The following C18orf63 variants were observed in gnomAD, a reference collection of about 807,000 sequenced individuals.
C18orf63 encodes the protein chromosome 18 open reading frame 63.
A neutral mutation model predicts 75.3 loss-of-function variants in C18orf63; 50 were observed. The observed-to-expected ratio is 0.66, with a 90% CI of 0.53 to 0.84. The LOEUF (loss-of-function observed/expected upper bound fraction) is 0.84, where lower values mean the gene tolerates loss of function less well. Among genes scored for constraint, C18orf63 ranks in the 40% least tolerant of loss-of-function variants. The pLI is 0.00. For missense variants in C18orf63, 732 were observed against 800.2 expected, an observed-to-expected ratio of 0.91 and a Z score of 1.03; for synonymous variants, 232 against 267.6, an observed-to-expected ratio of 0.87 and a Z score of 1.30.
Position 74,353,422 on chromosome 18 carries a change from G to C in C18orf63, c.1155G>C (p.Leu385Phe). Residue 385 changes from leucine (L) to phenylalanine (F), a missense_variant, in exon 12 of 14, where the codon TTG becomes TTC. Leu to Phe is a conservative substitution (Grantham distance 22). Transcript: ENST00000579455. ...SQPTSGIFSA[L>F]HLQPESVQGR... ...CAACATCAGGCATTTTCTCAGCTTT[G>C]CATCTCCAGCCAGAGTCTGTTCAGG... 6.5e-7 allele frequency: 1 copy of C among 1,536,256 alleles called. No homozygotes were observed. The highest frequency in any genetic ancestry group is 8.7e-7 in the Non-Finnish European group (1 of 1,146,948).
chr18:74,327,860 T>C, intron 4 of C18orf63, 87 bp from the exon 5 acceptor site: 1 of 769,808 alleles, frequency 1.3e-6, no homozygotes, highest in South Asian at 1.6e-5. Context: ...TGGGTGGTGA[T>C]CTAAATGGGC....
At chr18:74,339,261 G>A (rs1192145172) in intron 8 of C18orf63, among the ~76,000 whole-genome samples, 4 of 151,914 alleles carry the variant, frequency 2.6e-5, no homozygotes, top group Admixed American at 6.6e-5. Flanking sequence ...AATTGCTTAG[G>A]AAAAAGAACT....
chr18:74,334,786 A>G (rs1329282464), intron 7 of C18orf63, among the ~76,000 whole-genome samples: 3 of 152,168 alleles, frequency 2.0e-5, no homozygotes, highest in African/African-American at 7.2e-5. Flanking sequence ...ATGAAATCTC[A>G]GCTGTTTACT....
intron 2 of C18orf63, 119 bp from the exon 3 acceptor site, chr18:74,320,394 C>T: frequency 1.7e-6 from 1 of 594,678 alleles, no homozygotes; most frequent in South Asian, 2.4e-5. Context: ...CGCCATGAGC[C>T]AATCACTTCC....
chr18:74,343,700 C>G lies in C18orf63; in HGVS notation c.976C>G (p.Gln326Glu). Residue 326 changes from glutamine (Q) to glutamate (E), a missense_variant and splice_region_variant, in exon 11 of 14, where the codon CAG becomes GAG. This residue lies in a region of C18orf63 where 495 missense variants were observed against 508.7 expected (regional missense o/e 0.97). Coordinates refer to ENST00000579455, the MANE Select transcript of C18orf63 (RefSeq NM_001174123.2). ...ACAAGAACTAACTAAACCTAATATA[C>G]AGGTAAGAGATCTCTTGTCCTATCT... ...YTQELTKPNI[Q>E]EHKVKPPNLT... The G allele has an allele frequency of 1.3e-6, 2 of 1,504,654 alleles. No homozygotes were observed. The highest frequency in any genetic ancestry group is 1.8e-6 in the Non-Finnish European group (2 of 1,129,166). The allele number at this position is 1,504,654 out of a possible 1,614,324, so 93.2% of individuals were successfully genotyped here. A position where few individuals can be genotyped will look rare whatever the true frequency, so the allele number is the denominator to read the frequency against.
intron 7 of C18orf63, among the ~76,000 whole-genome samples, chr18:74,332,002 A>G (rs1408384490): frequency 1.3e-5 from 2 of 152,168 alleles, no homozygotes; most frequent in Non-Finnish European, 2.9e-5. Flanking sequence ...TGACATGTAT[A>G]TCTTGGACTG....
At chr18:74,350,626 ATAATATGTTTCTGTTC>A (rs1183560710) in intron 11 of C18orf63, among the ~76,000 whole-genome samples, 1 of 152,094 alleles carries the variant, frequency 6.6e-6, no homozygotes, top group Non-Finnish European at 1.5e-5. Flanking sequence ...TAAAACTGAG[ATAATATGTTTCTGTTC>A]TAATACAAAC....
At chr18:74,354,614 C>A in intron 13 of C18orf63, 68 bp downstream of exon 13, 1 of 715,210 alleles carries the variant, frequency 1.4e-6, no homozygotes, top group Non-Finnish European at 2.2e-6. Context: ...GTTTAGGGGT[C>A]CCCAACCTCT....
intron 4 of C18orf63, among the ~76,000 whole-genome samples, chr18:74,323,108 A>G (rs1984152522): frequency 6.6e-6 from 1 of 152,202 alleles, no homozygotes; most frequent in African/African-American, 2.4e-5. Flanking sequence ...TATAGATTGT[A>G]TTCTACATGG....
intron 3 of C18orf63, 115 bp downstream of exon 3, chr18:74,320,706 C>G (rs1237469587): frequency 1.6e-6 from 1 of 611,950 alleles, no homozygotes. Context: ...ATTGATTAAT[C>G]ACAATGTGTT....
intron 2 of C18orf63, among the ~76,000 whole-genome samples, chr18:74,318,514 G>A (rs950716581): frequency 6.6e-6 from 1 of 152,150 alleles, no homozygotes; most frequent in Non-Finnish European, 1.5e-5. Flanking sequence ...AAGAGGGCCG[G>A]GCGTGGTGGC....
At chr18:74,355,252 T>G (rs1257578099) in intron 13 of C18orf63, among the ~76,000 whole-genome samples, 1 of 152,222 alleles carries the variant, frequency 6.6e-6, no homozygotes, top group Admixed American at 6.5e-5. Context: ...TGATTTTAAT[T>G]AACCAGAAAG....
chr18:74,333,816 C>A (rs1033991092), intron 7 of C18orf63, among the ~76,000 whole-genome samples: 78 of 152,116 alleles, frequency 5.1e-4, no homozygotes, highest in African/African-American at 1.7e-3. Context: ...GCTTTCTGGG[C>A]ATGGAAGGAA....
intron 1 of C18orf63, among the ~76,000 whole-genome samples, chr18:74,317,070 G>A (rs28442572): frequency 0.063 from 9,603 of 152,160 alleles, 957 homozygotes; most frequent in African/African-American, 0.22. Context: ...TCAGAAGGCT[G>A]GTCACACTGC....
At chr18:74,325,110 T>G (rs1008449827) in intron 4 of C18orf63, among the ~76,000 whole-genome samples, 1 of 152,178 alleles carries the variant, frequency 6.6e-6, no homozygotes, top group African/African-American at 2.4e-5. Flanking sequence ...GGTCTTATTT[T>G]TCTAGTTTCT....
chr18:74,356,143 T>G (rs9807602), intron 13 of C18orf63, among the ~76,000 whole-genome samples: 79,446 of 152,020 alleles, frequency 0.52, 21,286 homozygotes, highest in Middle Eastern at 0.6. Context: ...TTGTATAAAT[T>G]TGTGGGGTAC....
chr18:74,338,467 A>G (rs2145124508), intron 7 of C18orf63, among the ~76,000 whole-genome samples: 1 of 152,262 alleles, frequency 6.6e-6, no homozygotes, highest in Non-Finnish European at 1.5e-5. Context: ...AATCACTGCA[A>G]AATAGGAGTT....
At chr18:74,324,375 A>C (rs1051990408) in intron 4 of C18orf63, among the ~76,000 whole-genome samples, 4 of 152,186 alleles carry the variant, frequency 2.6e-5, no homozygotes, top group Non-Finnish European at 1.5e-5. Context: ...ATTTATTTCA[A>C]TGTTAATATT....
At chr18:74,340,972 T>C (rs550698830) in intron 8 of C18orf63, among the ~76,000 whole-genome samples, 1 of 152,084 alleles carries the variant, frequency 6.6e-6, no homozygotes, top group East Asian at 1.9e-4. Context: ...AATAAAAATG[T>C]ATTAGGTTGG....
Sources: gnomAD v4.1 joint callset for allele counts (sites outside exome capture counted in the v4.1 genomes callset) on GRCh38, gnomAD v4.1.1 for gene constraint, gnomAD v4.1.1 regional missense constraint, MANE v1.5 for transcripts, NCBI Gene and HGNC (gene_info 2026-07-23, HGNC 2026-07-21) for gene names.